Variants in LIPC observed in about 807,000 individuals in gnomAD.
LIPC encodes hepatic triacylglycerol lipase.
LIPC carries 44 observed loss-of-function variants against 50.7 expected under a neutral mutation model. The ratio of observed to expected loss-of-function variants is 0.87; its 90% CI spans 0.68 to 1.11. The LOEUF (loss-of-function observed/expected upper bound fraction) is 1.11. Among genes scored for constraint, LIPC ranks in the 50% most tolerant of loss-of-function variants. The pLI is 0.00. For synonymous variants in LIPC, 271 were observed against 256.4 expected, an observed-to-expected ratio of 1.06 and a Z score of -0.54; for missense variants, 697 against 648.2, an observed-to-expected ratio of 1.08 and a Z score of -0.82.
In LIPC at chr15:58,548,401, G is replaced by A. The variant is rs773207252; in HGVS notation, c.880G>A (p.Gly294Ser). ...TTTCATCGACTCCTTGCTGCACGCCGGCACGCAGAGCATGGCCTACCCGTG... is the reference window on the plus strand; with the variant it reads ...TTTCATCGACTCCTTGCTGCACGCCAGCACGCAGAGCATGGCCTACCCGTG... ...HLFIDSLLHA[G>S]TQSMAYPCGD... The change falls in exon 6 of 9, where the codon GGC becomes AGC. Residue 294 changes from glycine (G) to serine (S), a missense_variant. By Grantham distance (56) the Gly-to-Ser change is moderately conservative. Transcript: ENST00000299022. 2.0e-5 allele frequency: 33 copies of A among 1,614,096 alleles called. No homozygotes were observed. In the South Asian group the frequency reaches 2.1e-4, roughly 10 times the overall value.
chr15:58,564,735 T>TAAA (rs1894298798), intron 8 of LIPC, among the ~76,000 whole-genome samples: 1 of 151,644 alleles, frequency 6.6e-6, no homozygotes, highest in Non-Finnish European at 1.5e-5. Flanking sequence ...TCTCAAAAAA[T>TAAA]AATAATAATA....
chr15:58,513,044 T>C (rs12905076), intron 1 of LIPC, among the ~76,000 whole-genome samples: 19,224 of 151,822 alleles, frequency 0.13, 1,325 homozygotes, highest in Middle Eastern at 0.17. Context: ...AACTGGTGGA[T>C]GTTTCATCCC....
At chr15:58,490,045 G>C (rs1004243942) in intron 1 of LIPC, among the ~76,000 whole-genome samples, 1 of 152,066 alleles carries the variant, frequency 6.6e-6, no homozygotes, top group Non-Finnish European at 1.5e-5. Flanking sequence ...GCATATTCTA[G>C]GTTCTTTGCA....
chr15:58,562,828 A>G (rs1456508215), intron 7 of LIPC, among the ~76,000 whole-genome samples: 4 of 124,552 alleles, frequency 3.2e-5, no homozygotes, highest in East Asian at 5.8e-4. Flanking sequence ...CCCACCATCC[A>G]TCTGCCTCGC....
At chr15:58,516,400 A>G (rs1380257946) in intron 1 of LIPC, among the ~76,000 whole-genome samples, 1 of 151,586 alleles carries the variant, frequency 6.6e-6, no homozygotes, top group Non-Finnish European at 1.5e-5. Flanking sequence ...TTCCACCATT[A>G]TTATTTCTTT....
chr15:58,497,866 C>T (rs1417885015), intron 1 of LIPC: 1 of 152,226 alleles, frequency 6.6e-6, no homozygotes, highest in Non-Finnish European at 1.5e-5. Flanking sequence ...GCTTAGGTGT[C>T]AAGATCCTTC....
At chr15:58,514,011 TATG>T (rs1198020751) in intron 1 of LIPC, among the ~76,000 whole-genome samples, 1 of 152,174 alleles carries the variant, frequency 6.6e-6, no homozygotes, top group Non-Finnish European at 1.5e-5. Flanking sequence ...CAGGCTGGAA[TATG>T]ATGAGTGAAG....
intron 1 of LIPC, among the ~76,000 whole-genome samples, chr15:58,507,628 T>A (rs1892194706): frequency 6.6e-6 from 1 of 152,228 alleles, no homozygotes; most frequent in South Asian, 2.1e-4. Flanking sequence ...CTTGTACAAT[T>A]CTGGAATACA....
chr15:58,486,159 C>T (rs1354331388), intron 1 of LIPC, among the ~76,000 whole-genome samples: 2 of 152,178 alleles, frequency 1.3e-5, no homozygotes, highest in Non-Finnish European at 2.9e-5. Context: ...AACAGTGCCA[C>T]TCTCTCATGT....
chr15:58,527,382 C>T (rs528500499), intron 1 of LIPC, among the ~76,000 whole-genome samples: 1 of 152,306 alleles, frequency 6.6e-6, no homozygotes, highest in Admixed American at 6.5e-5. Flanking sequence ...GCACAGGGTG[C>T]ATGCTGCAGC....
chr15:58,432,247 T>C (rs760186043), intron 1 of LIPC, 127 bp downstream of exon 1: 9 of 755,546 alleles, frequency 1.2e-5, no homozygotes, highest in Non-Finnish European at 2.2e-5. Context: ...GGTGGTTCTA[T>C]ACACGACCTC....
Position 58,489,219 on chromosome 15 carries a change from GGGGC to G in LIPC, c.89-49110_89-49107del, listed in dbSNP as rs1218024237. Among the ~76,000 whole-genome samples the G allele has an allele frequency of 1.6e-3, 109 of 66,156 alleles. 33 individuals carry two copies. Among genetic ancestry groups the G allele is most frequent in the South Asian group, 5.0e-3 (9 of 1,806 alleles). The allele number at this position is 66,156 out of a possible 152,430, so 43.4% of individuals were successfully genotyped here. A position where few individuals can be genotyped will look rare whatever the true frequency, so the allele number is the denominator to read the frequency against. ...ACCATTAGGGATTCATTTTGTTGCG[GGGGC>G]GGGGGGGCGGCTTACAAGCTTCCCA... On this transcript the variant is annotated intron_variant, in intron 1 of 8. Coordinates refer to ENST00000299022, the MANE Select transcript of LIPC (RefSeq NM_000236.3).
At chr15:58,509,572 G>C (rs1892269808) in intron 1 of LIPC, among the ~76,000 whole-genome samples, 1 of 152,046 alleles carries the variant, frequency 6.6e-6, no homozygotes, top group African/African-American at 2.4e-5. Context: ...ATTTTTCCCT[G>C]CAAAATTCAT....
intron 1 of LIPC, among the ~76,000 whole-genome samples, chr15:58,505,550 A>C (rs752148190): frequency 4.6e-5 from 7 of 152,202 alleles, no homozygotes; most frequent in Non-Finnish European, 7.3e-5. Context: ...ATGAGTATGA[A>C]GATAGACTGT....
rs550419918 is a variant in LIPC at position 58,515,199 on chromosome 15, C to T, written c.89-23134C>T. Among the ~76,000 whole-genome samples the T allele has an allele frequency of 7.9e-5, 12 of 152,296 alleles. No homozygotes were observed. In the East Asian group the frequency reaches 2.3e-3, roughly 29 times the overall value. ...AAGGATAATCTCCCCCTCTCAAGAT[C>T]CTTACCTTAATCACATCTGCAAAGT... On this transcript the variant is annotated intron_variant, in intron 1 of 8. Coordinates refer to ENST00000299022, the MANE Select transcript of LIPC (RefSeq NM_000236.3).
At chr15:58,452,434 A>G (rs1893935773) in intron 1 of LIPC, among the ~76,000 whole-genome samples, 1 of 152,214 alleles carries the variant, frequency 6.6e-6, no homozygotes, top group Non-Finnish European at 1.5e-5. Flanking sequence ...AATTTAGAAG[A>G]GTGTGAACGT....
At chr15:58,547,043 G>C (rs540997496) in intron 5 of LIPC, among the ~76,000 whole-genome samples, 1 of 150,742 alleles carries the variant, frequency 6.6e-6, no homozygotes, top group South Asian at 2.1e-4. Flanking sequence ...GCTCAGTACA[G>C]ACCATCAGGA....
intron 1 of LIPC, among the ~76,000 whole-genome samples, chr15:58,498,122 G>A (rs1366132372): frequency 6.6e-6 from 1 of 152,124 alleles, no homozygotes; most frequent in African/African-American, 2.4e-5. Flanking sequence ...TTAAGAAAGT[G>A]ATTAACAGGA....
intron 1 of LIPC, among the ~76,000 whole-genome samples, chr15:58,502,884 C>G (rs1308834467): frequency 3.3e-5 from 5 of 151,720 alleles, no homozygotes; most frequent in Non-Finnish European, 7.4e-5. Context: ...GTTATCAGCA[C>G]CCCCAAGCAA....
Sources: gnomAD v4.1 joint callset for allele counts (sites outside exome capture counted in the v4.1 genomes callset) on GRCh38, gnomAD v4.1.1 for gene constraint, MANE v1.5 for transcripts, NCBI Gene and HGNC (gene_info 2026-07-23, HGNC 2026-07-21) for gene names.